USP9X: variants seen among roughly 807,000 people sequenced by gnomAD.
USP9X encodes the protein ubiquitin carboxyl-terminal hydrolase 9X.
USP9X carries 7 observed loss-of-function variants against 190.3 expected under a neutral mutation model. That is an observed-to-expected ratio of 0.04 (90% CI 0.02 to 0.07). USP9X has a LOEUF of 0.07. Among genes scored for constraint, USP9X ranks in the 10% least tolerant of loss-of-function variants. The pLI, the probability that USP9X is intolerant of heterozygous loss-of-function variation, is 1.00. For synonymous variants in USP9X, 645 were observed against 659.5 expected, an observed-to-expected ratio of 0.98 and a Z score of 0.34; for missense variants, 1,010 against 1,916.9, an observed-to-expected ratio of 0.53 and a Z score of 8.83.
chrX:41,098,839 C>CTGGCTGACGTTTGAGATTGTT (rs1569146884), intron 1 of USP9X, among the ~76,000 whole-genome samples: 3 of 111,008 alleles, frequency 2.7e-5, no homozygotes, highest in African/African-American at 9.9e-5. Flanking sequence ...GCCACCGTGC[C>CTGGCTGACGTTTGAGATTGTT]CAGCCAACTT....
chrX:41,212,126 C>T (rs1602041576), intron 33 of USP9X, among the ~76,000 whole-genome samples: 1 of 110,841 alleles, frequency 9.0e-6, no homozygotes, highest in Middle Eastern at 4.7e-3. Context: ...AAGAAAAATT[C>T]TTCTGCCTTA....
chrX:41,220,735 C>T (rs2063254043), intron 38 of USP9X, among the ~76,000 whole-genome samples: 1 of 108,843 alleles, frequency 9.2e-6, no homozygotes, highest in South Asian at 3.9e-4. Flanking sequence ...AGGCGGATCA[C>T]CTGAGGTATG....
chrX:41,091,411 C>G (rs1335898530), intron 1 of USP9X, among the ~76,000 whole-genome samples: 1 of 111,749 alleles, frequency 8.9e-6, no homozygotes, highest in Non-Finnish European at 1.9e-5. Context: ...TATTGATGCT[C>G]TATTATCTCT....
At chrX:41,156,791 C>A (rs1204475847) in intron 14 of USP9X, among the ~76,000 whole-genome samples, 1 of 111,926 alleles carries the variant, frequency 8.9e-6, no homozygotes, top group Non-Finnish European at 1.9e-5. Context: ...GACCAACTTT[C>A]TTTGGACCAG....
In USP9X at chrX:41,235,407, A is replaced by C. The variant is rs2063392751; in HGVS notation, c.*2883A>C. The C allele has an allele frequency of 8.9e-6, 1 of 112,537 alleles. No homozygotes were observed. The highest frequency in any genetic ancestry group is 3.2e-5 in the African/African-American group (1 of 30,900). 9.3% of individuals were successfully genotyped at this position (112,537 alleles called of 1,213,427 possible). On this transcript the variant is annotated 3_prime_UTR_variant, in exon 45 of 45. Transcript: ENST00000378308. ...CTAAGGATTATTTAGTTCTCCCTCA[A>C]CTGATTTTTTGAGCCATATATTTCC...
chrX:41,164,877 C>T (rs2062665468), intron 15 of USP9X, among the ~76,000 whole-genome samples: 1 of 111,726 alleles, frequency 9.0e-6, no homozygotes, highest in Non-Finnish European at 1.9e-5. Context: ...AGTTAAGTTC[C>T]TTGAAGATTT....
chrX:41,158,590 G>T (rs2062599957), intron 14 of USP9X, among the ~76,000 whole-genome samples: 1 of 111,769 alleles, frequency 8.9e-6, no homozygotes, highest in African/African-American at 3.3e-5. Flanking sequence ...CCTAAAGGAA[G>T]TAATTAGGCC....
intron 39 of USP9X, 64 bp from the exon 40 acceptor site, chrX:41,224,678 A>C: frequency 1.1e-6 from 1 of 945,494 alleles, no homozygotes; most frequent in Non-Finnish European, 1.5e-6. Flanking sequence ...CTATCGTGAA[A>C]GTTGTGTATT....
intron 37 of USP9X, 110 bp from the exon 38 acceptor site, chrX:41,218,992 C>T: frequency 1.3e-6 from 1 of 783,522 alleles, no homozygotes; most frequent in Non-Finnish European, 1.7e-6. Flanking sequence ...TGTGATCAGT[C>T]CTTCCATAAA....
At chrX:41,183,553 G>T (rs2062847305) in intron 21 of USP9X, among the ~76,000 whole-genome samples, 1 of 111,885 alleles carries the variant, frequency 8.9e-6, no homozygotes, top group Non-Finnish European at 1.9e-5. Flanking sequence ...GCTTTTTAGG[G>T]TTCATTTTCT....
At chrX:41,211,735 C>T (rs1243670139) in intron 33 of USP9X, among the ~76,000 whole-genome samples, 1 of 102,533 alleles carries the variant, frequency 9.8e-6, no homozygotes, top group Non-Finnish European at 2.0e-5. Context: ...CCCGCCCAGC[C>T]AGCTGCCCCA....
chrX:41,091,185 G>A (rs1222034363), intron 1 of USP9X, among the ~76,000 whole-genome samples: 1 of 84,584 alleles, frequency 1.2e-5, no homozygotes, highest in Non-Finnish European at 2.3e-5. Flanking sequence ...CTTTGTTATG[G>A]TATATGCCAA....
Position 41,141,031 on chromosome X carries a change from T to C in USP9X, c.836T>C (p.Ile279Thr). 2.5e-6 allele frequency: 3 copies of C among 1,205,849 alleles called. No homozygotes were observed. Among genetic ancestry groups the C allele is most frequent in the Non-Finnish European group, 2.2e-6 (2 of 892,758 alleles). Residue 279 changes from isoleucine (I) to threonine (T), a missense_variant, in exon 8 of 45, where the codon ATA (isoleucine) becomes ACA (threonine). By Grantham distance (89) the Ile-to-Thr change is moderately conservative. This residue lies in a region of USP9X where 176 missense variants were observed against 247.5 expected (regional missense o/e 0.71). Transcript: ENST00000378308. ...GTGAAAAAGTACTTTCTTCCAATAATAGAAATGGTTCCACAGTTTTTAGAA... is the reference window on the plus strand; with the variant it reads ...GTGAAAAAGTACTTTCTTCCAATAACAGAAATGGTTCCACAGTTTTTAGAA... ...HTVKKYFLPI[I>T]EMVPQFLENL...
intron 1 of USP9X, among the ~76,000 whole-genome samples, chrX:41,112,691 G>A (rs1262179037): frequency 8.9e-6 from 1 of 111,899 alleles, no homozygotes; most frequent in Non-Finnish European, 1.9e-5. Flanking sequence ...GACCTGTTTC[G>A]CCTTGCCCAC....
At chrX:41,225,972 A>C (rs1310672284) in intron 41 of USP9X, among the ~76,000 whole-genome samples, 1 of 112,660 alleles carries the variant, frequency 8.9e-6, no homozygotes, top group Non-Finnish European at 1.9e-5. Flanking sequence ...ACACTTGTTT[A>C]CAGTTTAAGC....
intron 34 of USP9X, 130 bp downstream of exon 34, chrX:41,214,839 A>T: frequency 2.9e-6 from 2 of 688,036 alleles, no homozygotes; most frequent in Non-Finnish European, 4.2e-6. Flanking sequence ...GGTAGCAGAG[A>T]AGTAGTCAAT....
In USP9X at chrX:41,089,880, A is replaced by G. The variant is rs962890012; in HGVS notation, c.-159+3771A>G. Among the ~76,000 whole-genome samples, 11 of 89,440 alleles carry G rather than the reference A, an allele frequency of 1.2e-4. 1 individual carries two copies. The highest frequency in any genetic ancestry group is 2.1e-4 in the Non-Finnish European group (10 of 46,619). 77.7% of individuals were successfully genotyped at this position (89,440 alleles called of 115,157 possible). On this transcript the variant is annotated intron_variant, in intron 1 of 44. Transcript: ENST00000378308. ...TGGGGGCATGGCAGCAGGGAAGCCT[A>G]TAGGAGTTTAGGATCTATGAGGGTT...
Position 41,103,543 on chromosome X carries a change from G to A in USP9X, c.-159+17434G>A, listed in dbSNP as rs751161714. Among the ~76,000 whole-genome samples the A allele has an allele frequency of 2.0e-3, 224 of 111,908 alleles. 1 individual carries two copies. The highest frequency in any genetic ancestry group is 3.2e-3 in the Non-Finnish European group (172 of 53,194). ...ATAGCCATGCAAAACTCGAACCCAT[G>A]CCTTAGCATTCAGTAATACACTGCC... On this transcript the variant is annotated intron_variant, in intron 1 of 44. Transcript: ENST00000378308.
At chrX:41,169,103 C>A (rs1422080834) in intron 18 of USP9X, among the ~76,000 whole-genome samples, 3 of 102,240 alleles carry the variant, frequency 2.9e-5, no homozygotes, top group African/African-American at 7.1e-5. Flanking sequence ...TGTAAAACGA[C>A]CTTTTAAATG....
Sources: gnomAD v4.1 joint callset for allele counts (sites outside exome capture counted in the v4.1 genomes callset) on GRCh38, gnomAD v4.1.1 for gene constraint, gnomAD v4.1.1 regional missense constraint, MANE v1.5 for transcripts, NCBI Gene and HGNC (gene_info 2026-07-23, HGNC 2026-07-21) for gene names.